RGL1: variants seen among roughly 807,000 people sequenced by gnomAD.
RGL1 encodes the protein ral guanine nucleotide dissociation stimulator like 1, also known as ral guanine nucleotide dissociation stimulator-like 1.
RGL1 carries 24 observed loss-of-function variants against 95.2 expected under a neutral mutation model. That is an observed-to-expected ratio of 0.25 (90% CI 0.18 to 0.35). RGL1 has a LOEUF of 0.35. RGL1 is among the 10% of genes least tolerant of loss of function. The pLI, the probability that RGL1 is intolerant of heterozygous loss-of-function variation, is 1.00. For missense variants in RGL1, 715 were observed against 936.3 expected, an observed-to-expected ratio of 0.76 and a Z score of 3.08; for synonymous variants, 329 against 344.9, an observed-to-expected ratio of 0.95 and a Z score of 0.51.
intron 1 of RGL1, among the ~76,000 whole-genome samples, chr1:183,656,507 T>C (rs1651177664): frequency 6.6e-6 from 1 of 152,236 alleles, no homozygotes; most frequent in Non-Finnish European, 1.5e-5. Context: ...CAGCCAACTG[T>C]TCAAACTGTG....
chr1:183,873,813 A>G (rs1438440527), intron 4 of RGL1, among the ~76,000 whole-genome samples: 3 of 152,202 alleles, frequency 2.0e-5, no homozygotes, highest in African/African-American at 7.2e-5. Context: ...TGGAAGCTAG[A>G]CCTTTTTCCT....
intron 1 of RGL1, among the ~76,000 whole-genome samples, chr1:183,674,490 G>T (rs12024683): frequency 2.1e-4 from 32 of 152,150 alleles, no homozygotes; most frequent in Non-Finnish European, 3.7e-4. Context: ...TTTTTACTCT[G>T]AGACCTTGGA....
intron 2 of RGL1, among the ~76,000 whole-genome samples, chr1:183,827,199 A>G (rs1662926543): frequency 6.6e-6 from 1 of 152,236 alleles, no homozygotes; most frequent in Non-Finnish European, 1.5e-5. Flanking sequence ...TTGGGATTAC[A>G]GGTGTGAGCC....
At chr1:183,691,584 A>G (rs780229675) in intron 1 of RGL1, among the ~76,000 whole-genome samples, 2 of 152,260 alleles carry the variant, frequency 1.3e-5, no homozygotes, top group African/African-American at 2.4e-5. Context: ...CAAACGAATA[A>G]TACAAAAGGG....
intron 15 of RGL1, 143 bp from the exon 16 acceptor site, chr1:183,916,304 A>G: frequency 1.0e-6 from 1 of 967,014 alleles, no homozygotes; most frequent in Non-Finnish European, 1.6e-6. Context: ...TACACCAGGG[A>G]TGAGACACAT....
intron 1 of RGL1, among the ~76,000 whole-genome samples, chr1:183,712,195 TG>T (rs2102177871): frequency 1.3e-5 from 2 of 152,342 alleles, no homozygotes; most frequent in South Asian, 4.1e-4. Flanking sequence ...TGACAGATGT[TG>T]CACAGAACTA....
chr1:183,918,870 G>C (rs879831874), intron 16 of RGL1, among the ~76,000 whole-genome samples: 4 of 152,190 alleles, frequency 2.6e-5, no homozygotes, highest in Admixed American at 6.5e-5. Context: ...TAATCGTTAG[G>C]CCTCTCAGGA....
At chr1:183,759,356 T>C (rs1441964108) in intron 2 of RGL1, among the ~76,000 whole-genome samples, 1 of 152,142 alleles carries the variant, frequency 6.6e-6, no homozygotes, top group East Asian at 1.9e-4. Context: ...ATAGGAGTAG[T>C]TTCTAGTTGC....
intron 2 of RGL1, among the ~76,000 whole-genome samples, chr1:183,744,516 A>G (rs1215987560): frequency 6.6e-6 from 1 of 152,168 alleles, no homozygotes; most frequent in Non-Finnish European, 1.5e-5. Flanking sequence ...CCTAGGCTTG[A>G]TGCTTGTCTC....
At chr1:183,786,635 G>A (rs567851074) in intron 2 of RGL1, among the ~76,000 whole-genome samples, 2 of 152,104 alleles carry the variant, frequency 1.3e-5, no homozygotes, top group Non-Finnish European at 2.9e-5. Flanking sequence ...CTACTAATGA[G>A]TATGAAGAAC....
intron 10 of RGL1, 112 bp downstream of exon 10, chr1:183,898,009 A>G (rs1212998694): frequency 4.9e-6 from 4 of 812,638 alleles, no homozygotes; most frequent in Non-Finnish European, 8.1e-6. Flanking sequence ...AGGCTTTCAG[A>G]AAGGGTCTCC....
At chr1:183,797,285 C>T (rs373169216) in intron 2 of RGL1, among the ~76,000 whole-genome samples, 1 of 152,102 alleles carries the variant, frequency 6.6e-6, no homozygotes, top group Middle Eastern at 3.4e-3. Flanking sequence ...GCTGGGATGG[C>T]GCCACGGCAC....
chr1:183,795,555 G>A (rs549230917), intron 2 of RGL1, among the ~76,000 whole-genome samples: 1 of 152,330 alleles, frequency 6.6e-6, no homozygotes, highest in South Asian at 2.1e-4. Flanking sequence ...GAAGACTGGG[G>A]TGGCTGGAGC....
rs1666954627 is a variant in RGL1, at chr1:183,883,772, C to T, written c.611-14C>T. On this transcript the variant is annotated splice_polypyrimidine_tract_variant and intron_variant, in intron 5 of 17. Coordinates refer to ENST00000360851, the MANE Select transcript of RGL1 (RefSeq NM_001297671.3). ...ACTGGCGCCAAATTACTAATCTTTT[C>T]CATATGTGAACAGATGGGCTTCCCA... 1 of 1,613,538 alleles carries T rather than the reference C, an allele frequency of 6.2e-7. No individual in the cohort carries two copies. The highest frequency in any genetic ancestry group is 1.3e-5 in the African/African-American group (1 of 75,012).
chr1:183,664,475 C>G (rs369629243), intron 1 of RGL1, among the ~76,000 whole-genome samples: 1 of 151,748 alleles, frequency 6.6e-6, no homozygotes, highest in Non-Finnish European at 1.5e-5. Context: ...AATAAAGGAA[C>G]TTGGGCTCAG....
At chr1:183,657,860 C>T (rs547026473) in intron 1 of RGL1, among the ~76,000 whole-genome samples, 22 of 152,026 alleles carry the variant, frequency 1.4e-4, no homozygotes, top group African/African-American at 4.4e-4. Flanking sequence ...CCTGAGGAAT[C>T]GCCACACTGA....
intron 2 of RGL1, among the ~76,000 whole-genome samples, chr1:183,775,944 G>A (rs747592868): frequency 2.0e-5 from 3 of 151,982 alleles, no homozygotes; most frequent in Non-Finnish European, 4.4e-5. Flanking sequence ...GTCTTTAACA[G>A]TTCTAAAAAT....
rs1426585654 is a variant in RGL1, at chr1:183,637,029, A to C, written c.-33+528A>C. ...TGAAAAGAGCACTAGGCTTAGAATCAGAAAACTCAGGCTTAAGTGTTGACT... is the reference window on the plus strand; with the variant it reads ...TGAAAAGAGCACTAGGCTTAGAATCCGAAAACTCAGGCTTAAGTGTTGACT... On this transcript the variant is annotated intron_variant, in intron 1 of 18. Coordinates refer to the RGL1 transcript ENST00000304685. 2.6e-5 allele frequency among the ~76,000 whole-genome samples: 4 copies of C among 152,362 alleles called. No individual in the cohort carries two copies. The East Asian group carries it at 7.7e-4, about 29-fold the overall frequency.
At chr1:183,874,603 T>C (rs1291943839) in intron 4 of RGL1, among the ~76,000 whole-genome samples, 1 of 152,164 alleles carries the variant, frequency 6.6e-6, no homozygotes, top group African/African-American at 2.4e-5. Context: ...GTTGGCATTA[T>C]TTCCCTGGTC....
Sources: gnomAD v4.1 joint callset for allele counts (sites outside exome capture counted in the v4.1 genomes callset) on GRCh38, gnomAD v4.1.1 for gene constraint, MANE v1.5 for transcripts, NCBI Gene and HGNC (gene_info 2026-07-23, HGNC 2026-07-21) for gene names.